Variants in MLIP observed in about 807,000 individuals in gnomAD.
MLIP encodes the protein muscular LMNA-interacting protein.
In MLIP, 79 loss-of-function variants were observed where a neutral mutation model predicts 84.8. That is an observed-to-expected ratio of 0.93 (90% CI 0.78 to 1.12). The LOEUF (loss-of-function observed/expected upper bound fraction) is 1.12. Among genes scored for constraint, MLIP ranks in the 50% most tolerant of loss-of-function variants. The probability of loss-of-function intolerance (pLI) is 0.00; values close to 1 mark genes in which losing one functional copy is unlikely to be tolerated. For synonymous variants in MLIP, 504 were observed against 463.0 expected (o/e 1.09, Z -1.14); for missense variants, 1,257 against 1,160.6 (o/e 1.08, Z -1.21).
Position 54,237,271 on chromosome 6 carries a change from C to T in MLIP, c.2922+6354C>T, listed in dbSNP as rs530958323. On this transcript the variant is annotated intron_variant, in intron 12 of 13. Coordinates refer to ENST00000502396, the MANE Select transcript of MLIP (RefSeq NM_001281747.2). ...TGCTGTAGGGACACACAGCTCAGAG[C>T]CCTGCTTTCTGAGGGGTGGAGGAGG... 5.9e-5 allele frequency among the ~76,000 whole-genome samples: 9 copies of T among 151,678 alleles called. No homozygotes were observed. In the East Asian group the frequency reaches 1.4e-3, roughly 23 times the overall value.
intron 12 of MLIP, among the ~76,000 whole-genome samples, chr6:54,236,699 G>T (rs1781387058): frequency 6.6e-6 from 1 of 152,116 alleles, no homozygotes; most frequent in Non-Finnish European, 1.5e-5. Context: ...TGTTTAAAAT[G>T]GCCCCTAAGC....
At chr6:54,066,017 T>C (rs921732336) in intron 1 of MLIP, among the ~76,000 whole-genome samples, 2 of 99,466 alleles carry the variant, frequency 2.0e-5, no homozygotes, top group African/African-American at 5.1e-5. Flanking sequence ...AATATTATTT[T>C]ACATATCCCT....
At chr6:54,025,793 C>T (rs549927510) in intron 1 of MLIP, among the ~76,000 whole-genome samples, 1 of 152,130 alleles carries the variant, frequency 6.6e-6, no homozygotes, top group Non-Finnish European at 1.5e-5. Context: ...TTGTCATGGG[C>T]CATGGTAGGC....
chr6:54,142,411 G>A (rs897162583), intron 4 of MLIP, among the ~76,000 whole-genome samples: 2 of 152,144 alleles, frequency 1.3e-5, no homozygotes, highest in African/African-American at 4.8e-5. Flanking sequence ...AAGTTATGTT[G>A]GGGTATTGGG....
At chr6:54,049,038 G>A (rs998614608) in intron 1 of MLIP, among the ~76,000 whole-genome samples, 6 of 152,160 alleles carry the variant, frequency 3.9e-5, no homozygotes, top group Non-Finnish European at 7.4e-5. Flanking sequence ...AGTCTATGTA[G>A]TAATGTTACA....
intron 1 of MLIP, among the ~76,000 whole-genome samples, chr6:54,063,034 T>C (rs1159631669): frequency 1.3e-5 from 2 of 151,888 alleles, no homozygotes; most frequent in Admixed American, 1.3e-4. Context: ...AATCCCCGTC[T>C]CTACTAAAAA....
chr6:54,032,697 G>A (rs771311436), intron 1 of MLIP, among the ~76,000 whole-genome samples: 18 of 152,174 alleles, frequency 1.2e-4, no homozygotes, highest in Non-Finnish European at 2.2e-4. Context: ...GGGACTAGAG[G>A]TGTGCACCAT....
At chr6:54,146,712 A>G (rs1370227167) in intron 4 of MLIP, among the ~76,000 whole-genome samples, 1 of 152,226 alleles carries the variant, frequency 6.6e-6, no homozygotes, top group Non-Finnish European at 1.5e-5. Flanking sequence ...TTCTTATGGT[A>G]AGATTCTTTG....
chr6:54,216,436 G>T (rs1779859590), intron 11 of MLIP: 1 of 985,128 alleles, frequency 1.0e-6, no homozygotes, highest in Admixed American at 6.2e-5. Context: ...TGCTCACTGT[G>T]ATTGATTATG....
intron 9 of MLIP, among the ~76,000 whole-genome samples, chr6:54,172,404 G>A (rs1202323677): frequency 6.6e-6 from 1 of 151,656 alleles, no homozygotes; most frequent in African/African-American, 2.4e-5. Context: ...TCACTGAGGA[G>A]TCACTGGGGT....
chr6:54,124,717 G>C lies in MLIP; in HGVS notation c.497G>C (p.Gly166Ala), dbSNP rs772071576. ...GAACAAGGCCCCCCAGGGGGGATTG[G>C]CACCGCAGCTGTCCGGCCCAAGTCT... ...KVEQGPPGGI[G>A]TAAVRPKSLA... Residue 166 changes from glycine (G) to alanine (A), a missense_variant, in exon 3 of 14, where the codon GGC becomes GCC. By Grantham distance (60) the Gly-to-Ala change is moderately conservative. Transcript: ENST00000502396. 1 of 1,614,184 alleles carries C rather than the reference G, an allele frequency of 6.2e-7. No homozygotes were observed. Among genetic ancestry groups the C allele is most frequent in the Non-Finnish European group, 8.5e-7 (1 of 1,180,024 alleles).
intron 10 of MLIP, among the ~76,000 whole-genome samples, chr6:54,191,741 T>C (rs1241463432): frequency 6.6e-6 from 1 of 152,176 alleles, no homozygotes; most frequent in Non-Finnish European, 1.5e-5. Flanking sequence ...TGAGGTTGAA[T>C]GACTTCCCAC....
At chr6:54,093,834 A>G (rs970530650) in intron 1 of MLIP, among the ~76,000 whole-genome samples, 7 of 152,206 alleles carry the variant, frequency 4.6e-5, no homozygotes, top group Non-Finnish European at 1.0e-4. Flanking sequence ...TTTGTCATCC[A>G]GTGGCAGAGC....
intron 1 of MLIP, among the ~76,000 whole-genome samples, chr6:54,081,709 G>A (rs376992809): frequency 6.6e-6 from 1 of 152,086 alleles, no homozygotes; most frequent in East Asian, 1.9e-4. Flanking sequence ...CACCGCGCCC[G>A]GCCAGGGTCC....
At chr6:54,051,658 T>C (rs1765380559) in intron 1 of MLIP, among the ~76,000 whole-genome samples, 1 of 152,122 alleles carries the variant, frequency 6.6e-6, no homozygotes, top group African/African-American at 2.4e-5. Context: ...TGATCCCAGA[T>C]GTGCAAATAA....
chr6:54,260,008 G>C (rs1242246520), intron 13 of MLIP, among the ~76,000 whole-genome samples: 1 of 151,782 alleles, frequency 6.6e-6, no homozygotes, highest in Non-Finnish European at 1.5e-5. Context: ...TACAAACCCA[G>C]TGCAAATAAA....
chr6:54,051,679 G>T (rs868053898), intron 1 of MLIP, among the ~76,000 whole-genome samples: 2 of 152,066 alleles, frequency 1.3e-5, no homozygotes, highest in African/African-American at 4.8e-5. Context: ...AGAGCAATTT[G>T]ATTGTGAGGA....
At chr6:54,264,397 T>C (rs1783571161) in intron 13 of MLIP, among the ~76,000 whole-genome samples, 1 of 152,036 alleles carries the variant, frequency 6.6e-6, no homozygotes, top group African/African-American at 2.4e-5. Flanking sequence ...GTAATGGCTA[T>C]GTGAACAACA....
chr6:54,182,767 T>C (rs1235021731), intron 9 of MLIP, among the ~76,000 whole-genome samples: 1 of 152,228 alleles, frequency 6.6e-6, no homozygotes, highest in Non-Finnish European at 1.5e-5. Flanking sequence ...TTCAAAACCA[T>C]AGTATGCTTT....
Sources: allele counts gnomAD v4.1 joint callset (sites outside exome capture counted in the v4.1 genomes callset), GRCh38; gene constraint gnomAD v4.1.1; transcripts MANE v1.5; gene names NCBI Gene and HGNC (gene_info 2026-07-23, HGNC 2026-07-21).